The following GRB14 variants were observed in gnomAD, a reference collection of about 807,000 sequenced individuals.
GRB14 encodes growth factor receptor-bound protein 14.
Under a neutral mutation model 69.1 loss-of-function variants are expected in GRB14, and 38 were observed. The observed-to-expected ratio is 0.55, with a 90% CI of 0.42 to 0.72. GRB14 has a LOEUF of 0.72. GRB14 is among the 30% of genes least tolerant of loss of function. The pLI is 0.00. For synonymous variants in GRB14, 247 were observed against 241.3 expected (o/e 1.02, Z -0.22); for missense variants, 666 against 666.1 (o/e 1.00, Z 0.00).
intron 3 of GRB14, among the ~76,000 whole-genome samples, chr2:164,532,617 G>A (rs1455606157): frequency 6.6e-6 from 1 of 152,156 alleles, no homozygotes; most frequent in African/African-American, 2.4e-5. Context: ...GATCAGGGAA[G>A]CAGAGGTTCA....
intron 2 of GRB14, chr2:164,574,054 G>C: frequency 8.9e-7 from 1 of 1,127,146 alleles, no homozygotes; most frequent in Non-Finnish European, 1.3e-6. Flanking sequence ...ATGTAGCCTA[G>C]ATCTTCAGAG....
chr2:164,573,561 C>T (rs1266528878), intron 2 of GRB14, among the ~76,000 whole-genome samples: 2 of 151,956 alleles, frequency 1.3e-5, no homozygotes, highest in South Asian at 2.1e-4. Flanking sequence ...AAAATTTATA[C>T]GTAATATGTT....
chr2:164,552,410 C>A (rs902044503), intron 2 of GRB14, among the ~76,000 whole-genome samples: 6 of 152,082 alleles, frequency 3.9e-5, no homozygotes, highest in Admixed American at 2.0e-4. Context: ...GGTAGGTACT[C>A]TATATAATGG....
chr2:164,518,639 A>C (rs1687554242), intron 6 of GRB14, among the ~76,000 whole-genome samples: 1 of 152,132 alleles, frequency 6.6e-6, no homozygotes, highest in Non-Finnish European at 1.5e-5. Context: ...TAACCAAGAA[A>C]AGAAGAGAGA....
chr2:164,520,791 A>C (rs989714065), intron 6 of GRB14, among the ~76,000 whole-genome samples: 1 of 152,206 alleles, frequency 6.6e-6, no homozygotes, highest in Non-Finnish European at 1.5e-5. Context: ...AGGGAATGCA[A>C]ATCAAAATCA....
chr2:164,605,714 GT>G (rs1329626998), intron 2 of GRB14, among the ~76,000 whole-genome samples: 10 of 152,206 alleles, frequency 6.6e-5, no homozygotes, highest in Non-Finnish European at 1.5e-4. Flanking sequence ...AGAGACTTTA[GT>G]TGAGAGCTAT....
chr2:164,564,001 C>G (rs958609787), intron 2 of GRB14, among the ~76,000 whole-genome samples: 1 of 152,048 alleles, frequency 6.6e-6, no homozygotes, highest in Admixed American at 6.6e-5. Flanking sequence ...TGTTACAGGG[C>G]TGTAGTGGTT....
chr2:164,616,892 A>C (rs1476335888), intron 2 of GRB14, among the ~76,000 whole-genome samples: 3 of 152,244 alleles, frequency 2.0e-5, no homozygotes, highest in Non-Finnish European at 4.4e-5. Flanking sequence ...AACATATCGC[A>C]TAGTCACTTA....
intron 2 of GRB14, among the ~76,000 whole-genome samples, chr2:164,601,203 G>A (rs1190743530): frequency 6.6e-6 from 1 of 151,946 alleles, no homozygotes; most frequent in Non-Finnish European, 1.5e-5. Context: ...AGCAGTTTCT[G>A]AAAGTCATTC....
At chr2:164,496,655 A>G (rs573728813) in intron 12 of GRB14, among the ~76,000 whole-genome samples, 2 of 152,314 alleles carry the variant, frequency 1.3e-5, no homozygotes, top group South Asian at 4.1e-4. Flanking sequence ...CTTCGAAATC[A>G]TATGTTCAAA....
intron 8 of GRB14, among the ~76,000 whole-genome samples, chr2:164,507,894 C>T (rs1248292583): frequency 1.3e-5 from 2 of 152,158 alleles, no homozygotes; most frequent in Non-Finnish European, 2.9e-5. Flanking sequence ...TATTGTTACT[C>T]ATTTCAAAAT....
chr2:164,573,888 T>C (rs1559057153), intron 2 of GRB14: 3 of 1,612,544 alleles, frequency 1.9e-6, no homozygotes, highest in African/African-American at 2.7e-5. Flanking sequence ...GATGCCAAGA[T>C]TGATTCTAAA....
intron 3 of GRB14, among the ~76,000 whole-genome samples, chr2:164,533,937 A>G (rs1304698836): frequency 1.3e-5 from 2 of 152,222 alleles, no homozygotes; most frequent in African/African-American, 2.4e-5. Flanking sequence ...ATTTGCAGAA[A>G]ATGTCACAGA....
chr2:164,600,765 T>A (rs1161982038), intron 2 of GRB14, among the ~76,000 whole-genome samples: 1 of 152,164 alleles, frequency 6.6e-6, no homozygotes, highest in African/African-American at 2.4e-5. Flanking sequence ...ATTTATTAAT[T>A]TCTTTTTTTA....
intron 2 of GRB14, among the ~76,000 whole-genome samples, chr2:164,558,160 C>G (rs1352683713): frequency 3.3e-5 from 5 of 152,140 alleles, no homozygotes; most frequent in Non-Finnish European, 2.9e-5. Flanking sequence ...TCCTCCTACT[C>G]TATTATTTAC....
chr2:164,586,250 A>G (rs1559062680), intron 2 of GRB14, among the ~76,000 whole-genome samples: 1 of 152,216 alleles, frequency 6.6e-6, no homozygotes, highest in Non-Finnish European at 1.5e-5. Flanking sequence ...GAAGGAATAT[A>G]TAGAGAATAG....
chr2:164,569,420 C>A (rs1689070890), intron 2 of GRB14, among the ~76,000 whole-genome samples: 1 of 152,186 alleles, frequency 6.6e-6, no homozygotes, highest in South Asian at 2.1e-4. Flanking sequence ...ATTGTAAAAT[C>A]TCTTCTGGAC....
chr2:164,537,689 T>A (rs1000612181), intron 3 of GRB14, among the ~76,000 whole-genome samples: 3 of 152,114 alleles, frequency 2.0e-5, no homozygotes, highest in South Asian at 2.1e-4. Flanking sequence ...TATAAGAATA[T>A]GTAGAAGAAA....
At chr2:164,562,837 T>C (rs66529941) in intron 2 of GRB14, among the ~76,000 whole-genome samples, 18,844 of 152,138 alleles carry the variant, frequency 0.12, 1,378 homozygotes, top group East Asian at 0.34. Context: ...AAACTCTGGG[T>C]TTCCTGGCTC....
Sources: allele counts gnomAD v4.1 joint callset (sites outside exome capture counted in the v4.1 genomes callset), GRCh38; gene constraint gnomAD v4.1.1; transcripts MANE v1.5; gene names NCBI Gene and HGNC (gene_info 2026-07-23, HGNC 2026-07-21).